The following SRGAP1 variants were observed in gnomAD, a reference collection of about 807,000 sequenced individuals.
SRGAP1 encodes SLIT-ROBO Rho GTPase-activating protein 1.
In SRGAP1, 43 loss-of-function variants were observed where a neutral mutation model predicts 121.9. The ratio of observed to expected loss-of-function variants is 0.35; its 90% CI spans 0.28 to 0.46. SRGAP1 has a LOEUF of 0.46. Ranked by LOEUF, SRGAP1 falls within the 20% of genes least tolerant of loss-of-function variation. SRGAP1 has a pLI of 1.00. For missense variants in SRGAP1, 1,102 were observed against 1,350.9 expected (o/e 0.82, Z 2.89); for synonymous variants, 447 against 485.4 (o/e 0.92, Z 1.04).
intron 1 of SRGAP1, among the ~76,000 whole-genome samples, chr12:63,975,588 TC>T (rs2033071042): frequency 6.6e-6 from 1 of 151,826 alleles, no homozygotes; most frequent in African/African-American, 2.4e-5. Flanking sequence ...CATTTTACGT[TC>T]TTTTTTTTCT....
chr12:64,150,951 A>AAAAAAAAAAAAAAAAAAAAAAAC lies in SRGAP1; in HGVS notation c.*8288_*8289insAAAAAAAAAAAAACAAAAAAAAA, dbSNP rs1489625204. On this transcript the variant is annotated 3_prime_UTR_variant, in exon 22 of 22. Coordinates refer to ENST00000355086, the MANE Select transcript of SRGAP1 (RefSeq NM_020762.4). ...AGCTATCTCAAAAAAAAAAAAAAAA[A>AAAAAAAAAAAAAAAAAAAAAAAC]AAAAAAAAACATGGTCAAGATTTGT... 6.7e-6 allele frequency: 1 copy of AAAAAAAAAAAAAAAAAAAAAAAC among 148,302 alleles called. No homozygotes were observed. The allele number at this position is 148,302 out of a possible 1,614,324, so 9.2% of individuals were successfully genotyped here. A position where few individuals can be genotyped will look rare whatever the true frequency, so the allele number is the denominator to read the frequency against.
rs59798383 is a variant in SRGAP1, at chr12:63,992,660, T to TACACACAC, written c.426+2637_426+2644dup. Among the ~76,000 whole-genome samples, 752 of 138,542 alleles carry TACACACAC rather than the reference T, an allele frequency of 5.4e-3. 5 individuals carry two copies. Among genetic ancestry groups the TACACACAC allele is most frequent in the African/African-American group, 8.8e-3 (317 of 35,906 alleles). The allele number at this position is 138,542 out of a possible 152,430, so 90.9% of individuals were successfully genotyped here. On this transcript the variant is annotated intron_variant, in intron 3 of 21. Coordinates refer to ENST00000355086, the MANE Select transcript of SRGAP1 (RefSeq NM_020762.4). ...AATGGCCTGGAGAATGCACAGTAAA[T>TACACACAC]ACACACACACACACACACACACACA...
chr12:64,021,015 A>G (rs2034537093), intron 4 of SRGAP1, among the ~76,000 whole-genome samples: 2 of 151,880 alleles, frequency 1.3e-5, no homozygotes, highest in African/African-American at 4.8e-5. Context: ...AAGCCTTCCA[A>G]GACTCAAGCT....
chr12:64,145,012 G>C lies in SRGAP1; in HGVS notation c.*2340G>C. On this transcript the variant is annotated 3_prime_UTR_variant, in exon 22 of 22. Coordinates refer to ENST00000355086, the MANE Select transcript of SRGAP1 (RefSeq NM_020762.4). ...CGCCCAGCTAATTTTTGTATTTTTA[G>C]TAGAGATGGGGTGTCACCATGTTGG... The C allele has an allele frequency of 6.6e-6, 1 of 151,800 alleles. No homozygotes were observed. The highest frequency in any genetic ancestry group is 1.5e-5 in the Non-Finnish European group (1 of 68,026). 9.4% of individuals were successfully genotyped at this position (151,800 alleles called of 1,614,324 possible). A position where few individuals can be genotyped will look rare whatever the true frequency, so the allele number is the denominator to read the frequency against.
intron 12 of SRGAP1, 31 bp from the exon 13 acceptor site, chr12:64,094,901 G>A: frequency 1.2e-6 from 2 of 1,602,502 alleles, no homozygotes; most frequent in Non-Finnish European, 1.7e-6. Context: ...CCTCTCCCTT[G>A]AGGTTAACTG....
intron 1 of SRGAP1, among the ~76,000 whole-genome samples, chr12:63,896,293 C>T (rs902583866): frequency 6.6e-6 from 1 of 152,020 alleles, no homozygotes; most frequent in African/African-American, 2.4e-5. Context: ...AGTGAATTAC[C>T]TGTTAGGAGT....
At chr12:64,010,892 A>G (rs574170611) in intron 3 of SRGAP1, among the ~76,000 whole-genome samples, 7 of 151,618 alleles carry the variant, frequency 4.6e-5, no homozygotes, top group African/African-American at 1.7e-4. Context: ...TAGCCAGTAT[A>G]CTAGATGGCC....
At chr12:63,976,494 T>C (rs1409147011) in intron 1 of SRGAP1, among the ~76,000 whole-genome samples, 2 of 152,204 alleles carry the variant, frequency 1.3e-5, no homozygotes, top group Admixed American at 6.5e-5. Context: ...CCTCTCATTA[T>C]CTGTCTGTGT....
At chr12:63,859,098 A>G (rs1039003523) in intron 1 of SRGAP1, among the ~76,000 whole-genome samples, 1 of 152,262 alleles carries the variant, frequency 6.6e-6, no homozygotes, top group East Asian at 1.9e-4. Flanking sequence ...TTTTAAAAAC[A>G]TAGGCTGATC....
At chr12:63,879,973 C>T (rs181973422) in intron 1 of SRGAP1, among the ~76,000 whole-genome samples, 1 of 152,252 alleles carries the variant, frequency 6.6e-6, no homozygotes, top group African/African-American at 2.4e-5. Flanking sequence ...ACCCAAATCT[C>T]ATCTTGAATT....
chr12:64,092,838 A>G lies in SRGAP1; in HGVS notation c.1539+1460A>G, dbSNP rs183977818. Among the ~76,000 whole-genome samples, 15 of 152,330 alleles carry G rather than the reference A, an allele frequency of 9.8e-5. No individual in the cohort carries two copies. The East Asian group carries it at 2.7e-3, about 27-fold the overall frequency. ...GTAGGATTCTGTTGTATTTGATAAT[A>G]CAGTACGAGAATGGCTGCTTAAGAT... is the stretch of plus-strand genomic sequence containing the variant. On this transcript the variant is annotated intron_variant, in intron 12 of 21. Coordinates refer to ENST00000355086, the MANE Select transcript of SRGAP1 (RefSeq NM_020762.4).
intron 15 of SRGAP1, among the ~76,000 whole-genome samples, chr12:64,100,155 A>G (rs1300987096): frequency 6.6e-6 from 1 of 152,226 alleles, no homozygotes; most frequent in Non-Finnish European, 1.5e-5. Flanking sequence ...TACTACTATT[A>G]CAATTACTCT....
intron 1 of SRGAP1, among the ~76,000 whole-genome samples, chr12:63,864,470 G>A (rs1050249828): frequency 6.6e-6 from 1 of 152,096 alleles, no homozygotes; most frequent in African/African-American, 2.4e-5. Flanking sequence ...AACTGCTAGG[G>A]TCTAAATCTC....
chr12:64,008,215 CCTT>C (rs2034145282), intron 3 of SRGAP1, among the ~76,000 whole-genome samples: 1 of 152,248 alleles, frequency 6.6e-6, no homozygotes, highest in South Asian at 2.1e-4. Flanking sequence ...ATAGCTTGGC[CCTT>C]CTTGAAGGTT....
In SRGAP1 at chr12:64,076,653, A is replaced by AT. The variant is rs1162840766; in HGVS notation, c.1126-2255dup. ...ATTGAACTCCCAGAAAGAAAAAAAA[A>AT]TTTTTTTTTTTGAGACAGAGTCTCA... is the stretch of plus-strand genomic sequence containing the variant. On this transcript the variant is annotated intron_variant, in intron 8 of 21. Transcript: ENST00000355086. 3.7e-3 allele frequency among the ~76,000 whole-genome samples: 554 copies of AT among 149,706 alleles called. 2 individuals are homozygous for AT. The highest frequency in any genetic ancestry group is 0.013 in the African/African-American group (512 of 40,942).
intron 4 of SRGAP1, among the ~76,000 whole-genome samples, chr12:64,025,586 A>G (rs2034636004): frequency 6.6e-6 from 1 of 152,252 alleles, no homozygotes; most frequent in Admixed American, 6.5e-5. Context: ...AATAAGGAGT[A>G]GGAATATGTA....
intron 3 of SRGAP1, among the ~76,000 whole-genome samples, chr12:64,001,258 C>A (rs919626512): frequency 6.6e-6 from 1 of 152,176 alleles, no homozygotes; most frequent in Non-Finnish European, 1.5e-5. Flanking sequence ...TAGATACAAC[C>A]AAGTTGTTAT....
intron 1 of SRGAP1, among the ~76,000 whole-genome samples, chr12:63,955,448 C>T (rs1437790409): frequency 6.6e-6 from 1 of 152,190 alleles, no homozygotes; most frequent in East Asian, 1.9e-4. Flanking sequence ...ACACACTTAT[C>T]ATTTTTTTGT....
intron 15 of SRGAP1, among the ~76,000 whole-genome samples, chr12:64,107,904 A>G (rs1240507687): frequency 6.6e-6 from 1 of 152,204 alleles, no homozygotes; most frequent in Non-Finnish European, 1.5e-5. Flanking sequence ...TTGGGATCCA[A>G]GAAAGGCAAC....
Sources: allele counts gnomAD v4.1 joint callset (sites outside exome capture counted in the v4.1 genomes callset), GRCh38; gene constraint gnomAD v4.1.1; transcripts MANE v1.5; gene names NCBI Gene and HGNC (gene_info 2026-07-23, HGNC 2026-07-21).